The following STPG2 variants were observed in gnomAD, a reference collection of about 807,000 sequenced individuals.
The protein encoded by STPG2 is sperm tail PG-rich repeat containing 2, also known as sperm-tail PG-rich repeat-containing protein 2.
Under a neutral mutation model 54.2 loss-of-function variants are expected in STPG2, and 56 were observed. That is an observed-to-expected ratio of 1.03 (90% CI 0.83 to 1.29). The LOEUF is 1.29. STPG2 is among the 50% of genes most tolerant of loss of function. The pLI is 0.00. For synonymous variants in STPG2, 200 were observed against 181.8 expected, an observed-to-expected ratio of 1.10 and a Z score of -0.81; for missense variants, 596 against 544.9, an observed-to-expected ratio of 1.09 and a Z score of -0.93.
intron 5 of STPG2, among the ~76,000 whole-genome samples, chr4:98,089,693 G>A (rs10856934): frequency 0.4 from 59,874 of 148,316 alleles, 12,111 homozygotes; most frequent in Middle Eastern, 0.47. Context: ...TTCCCTTTTC[G>A]CTAGATCCAT....
chr4:97,923,165 C>T (rs1732175923), intron 8 of STPG2, among the ~76,000 whole-genome samples: 1 of 152,258 alleles, frequency 6.6e-6, no homozygotes, highest in Non-Finnish European at 1.5e-5. Flanking sequence ...GCTTGAGGAG[C>T]CCTTCAGCCT....
intron 4 of STPG2, among the ~76,000 whole-genome samples, chr4:98,106,917 A>G (rs1739204639): frequency 6.6e-6 from 1 of 152,168 alleles, no homozygotes; most frequent in African/African-American, 2.4e-5. Context: ...CTGATACCCA[A>G]CATTTCCAAC....
At position 97,452,667 on chromosome 4, in the gene STPG2, C is replaced by T. The variant is rs143475242; in HGVS notation, c.462+260032G>A. ...AGAGAGGAGCTACCCACTCTAGGACCGCCTATCTGCTGAGAGCTTCAGAGA... is the reference window on the plus strand; with the variant it reads ...AGAGAGGAGCTACCCACTCTAGGACTGCCTATCTGCTGAGAGCTTCAGAGA... On this transcript the variant is annotated intron_variant, in intron 4 of 4. Coordinates refer to the STPG2 transcript ENST00000522676. 7.7e-3 allele frequency among the ~76,000 whole-genome samples: 1,177 copies of T among 152,284 alleles called. 33 individuals are homozygous for T. Among genetic ancestry groups the T allele is most frequent in the Middle Eastern group, 0.058 (17 of 294 alleles).
chr4:97,586,651 C>A (rs1210977960), intron 10 of STPG2, among the ~76,000 whole-genome samples: 1 of 151,584 alleles, frequency 6.6e-6, no homozygotes, highest in Non-Finnish European at 1.5e-5. Flanking sequence ...ACAAAGGATG[C>A]CAGAAAGAAA....
At chr4:97,575,761 C>A (rs756105404) in intron 10 of STPG2, among the ~76,000 whole-genome samples, 4 of 152,054 alleles carry the variant, frequency 2.6e-5, no homozygotes, top group Non-Finnish European at 4.4e-5. Flanking sequence ...GAAGTCCTAG[C>A]CAGAGCAATC....
chr4:97,683,262 CT>C (rs1358858113), intron 10 of STPG2, among the ~76,000 whole-genome samples: 2 of 151,728 alleles, frequency 1.3e-5, no homozygotes, highest in African/African-American at 4.8e-5. Flanking sequence ...CAAAAGGAAG[CT>C]ATTCAACAGT....
At chr4:97,957,290 A>G (rs1184319027) in intron 7 of STPG2, among the ~76,000 whole-genome samples, 1 of 151,564 alleles carries the variant, frequency 6.6e-6, no homozygotes, top group Non-Finnish European at 1.5e-5. Flanking sequence ...AATGCTCTGG[A>G]AAGTCTCAGC....
intron 4 of STPG2, among the ~76,000 whole-genome samples, chr4:97,465,392 C>T (rs1479395739): frequency 6.6e-6 from 1 of 152,056 alleles, no homozygotes; most frequent in Non-Finnish European, 1.5e-5. Context: ...CTTTCAAGCT[C>T]TTTATATATT....
At chr4:97,903,677 A>T (rs1731268640) in intron 8 of STPG2, among the ~76,000 whole-genome samples, 2 of 152,200 alleles carry the variant, frequency 1.3e-5, no homozygotes, top group South Asian at 4.1e-4. Flanking sequence ...CTGCATTTCC[A>T]TCTGAGGTAC....
intron 9 of STPG2, among the ~76,000 whole-genome samples, chr4:97,838,130 T>C (rs555266420): frequency 6.6e-6 from 1 of 151,676 alleles, no homozygotes; most frequent in Admixed American, 6.6e-5. Flanking sequence ...CAATACTAAA[T>C]AATTTTATCT....
chr4:98,011,897 A>C (rs1002510307), intron 5 of STPG2, among the ~76,000 whole-genome samples: 174 of 152,246 alleles, frequency 1.1e-3, no homozygotes, highest in Non-Finnish European at 1.6e-3. Context: ...TTTTTCTCCT[A>C]TTCTGTAGGT....
intron 9 of STPG2, among the ~76,000 whole-genome samples, chr4:97,729,063 T>TCTCTCTCTCTCTCTCTCTC (rs1724710920): frequency 1.6e-5 from 2 of 124,844 alleles, no homozygotes; most frequent in South Asian, 2.8e-4. Flanking sequence ...CCCCAAGAAT[T>TCTCTCTCTCTCTCTCTCTC]TCTCTCTCTC....
chr4:98,002,179 C>T (rs560256031), intron 5 of STPG2, among the ~76,000 whole-genome samples: 2 of 152,012 alleles, frequency 1.3e-5, no homozygotes, highest in African/African-American at 4.8e-5. Flanking sequence ...ACTAATAGCT[C>T]TGAAACTAGG....
intron 8 of STPG2, among the ~76,000 whole-genome samples, chr4:97,918,910 T>C (rs1321369919): frequency 6.6e-6 from 1 of 152,160 alleles, no homozygotes; most frequent in Non-Finnish European, 1.5e-5. Flanking sequence ...GAAATCACCA[T>C]TAAATAGCTT....
intron 8 of STPG2, among the ~76,000 whole-genome samples, chr4:97,872,661 A>G (rs1429763307): frequency 6.6e-6 from 1 of 151,300 alleles, no homozygotes; most frequent in Non-Finnish European, 1.5e-5. Flanking sequence ...GTATAAAATG[A>G]ATGGGCATCA....
chr4:97,761,843 G>C (rs561253326), intron 9 of STPG2, among the ~76,000 whole-genome samples: 1 of 152,224 alleles, frequency 6.6e-6, no homozygotes, highest in Admixed American at 6.5e-5. Flanking sequence ...AAGTATTCCA[G>C]ATCACTTAGC....
chr4:98,040,307 A>G (rs1451497536), intron 5 of STPG2, among the ~76,000 whole-genome samples: 2 of 151,946 alleles, frequency 1.3e-5, no homozygotes, highest in African/African-American at 4.8e-5. Flanking sequence ...TTTGCTATGC[A>G]GAAGCTTTTT....
intron 9 of STPG2, among the ~76,000 whole-genome samples, chr4:97,738,766 G>C (rs918126858): frequency 6.6e-6 from 1 of 152,066 alleles, no homozygotes; most frequent in South Asian, 2.1e-4. Flanking sequence ...AATAATGGGA[G>C]ACTTTAACAC....
chr4:97,769,805 C>T (rs1726167734), intron 9 of STPG2, among the ~76,000 whole-genome samples: 1 of 152,170 alleles, frequency 6.6e-6, no homozygotes, highest in Admixed American at 6.5e-5. Context: ...GCATCTACCA[C>T]ATCCCATGCA....
Sources: gnomAD v4.1 joint callset for allele counts (sites outside exome capture counted in the v4.1 genomes callset) on GRCh38, gnomAD v4.1.1 for gene constraint, MANE v1.5 for transcripts, NCBI Gene and HGNC (gene_info 2026-07-23, HGNC 2026-07-21) for gene names.